Variants in ADGRB3 observed in about 807,000 individuals in gnomAD.
The protein encoded by ADGRB3 is brain-specific angiogenesis inhibitor 3.
In ADGRB3, 37 loss-of-function variants were observed where a neutral mutation model predicts 193.4. That is an observed-to-expected ratio of 0.19 (90% CI 0.15 to 0.25). ADGRB3 has a LOEUF of 0.25. ADGRB3 is among the 10% of genes least tolerant of loss of function. ADGRB3 has a pLI of 1.00. For missense variants in ADGRB3, 1,637 were observed against 1,852.9 expected (o/e 0.88, Z 2.14); for synonymous variants, 690 against 644.2 (o/e 1.07, Z -1.08).
At chr6:69,272,505 A>G (rs1767201076) in intron 20 of ADGRB3, among the ~76,000 whole-genome samples, 2 of 152,254 alleles carry the variant, frequency 1.3e-5, no homozygotes, top group South Asian at 4.1e-4. Flanking sequence ...TGGGTAGACA[A>G]TAATTAGCAT....
chr6:69,309,934 A>T (rs1223795637), intron 20 of ADGRB3, among the ~76,000 whole-genome samples: 2 of 151,556 alleles, frequency 1.3e-5, no homozygotes, highest in Non-Finnish European at 3.0e-5. Context: ...TCCAGAGAAG[A>T]CCCAAAAACA....
intron 3 of ADGRB3, among the ~76,000 whole-genome samples, chr6:68,651,396 A>C (rs1189071936): frequency 6.6e-6 from 1 of 152,186 alleles, no homozygotes; most frequent in Non-Finnish European, 1.5e-5. Flanking sequence ...TCTTTTAAAA[A>C]CATATGAGTT....
At chr6:68,640,502 T>C (rs1484632190) in intron 3 of ADGRB3, among the ~76,000 whole-genome samples, 2 of 152,242 alleles carry the variant, frequency 1.3e-5, no homozygotes, top group East Asian at 3.9e-4. Flanking sequence ...TACATATTAG[T>C]TCTTGCTTCC....
chr6:69,083,332 T>C (rs533206027), intron 17 of ADGRB3, among the ~76,000 whole-genome samples: 1 of 152,334 alleles, frequency 6.6e-6, no homozygotes, highest in African/African-American at 2.4e-5. Flanking sequence ...ACATTCATTT[T>C]TGTAAATTAT....
At position 69,063,086 on chromosome 6, in the gene ADGRB3, A is replaced by T; in HGVS notation, c.2436+50A>T. 2.2e-6 allele frequency: 3 copies of T among 1,379,412 alleles called. No individual in the cohort carries two copies. In the South Asian group the frequency reaches 3.6e-5, roughly 16 times the overall value. The allele number at this position is 1,379,412 out of a possible 1,614,324, so 85.4% of individuals were successfully genotyped here. On this transcript the variant is annotated intron_variant, in intron 16 of 31. Transcript: ENST00000370598. ...ACTTGCTTATGGAATTACCTTTCTA[A>T]CAGTCATTCTTTCAACTGATAACAC... is the stretch of plus-strand genomic sequence containing the variant.
chr6:69,067,775 A>T (rs2150309809), intron 16 of ADGRB3, among the ~76,000 whole-genome samples: 1 of 152,304 alleles, frequency 6.6e-6, no homozygotes, highest in East Asian at 1.9e-4. Context: ...ACTGAAATTG[A>T]GATAGAAATT....
At chr6:68,958,756 A>C (rs1403674627) in intron 8 of ADGRB3, among the ~76,000 whole-genome samples, 1 of 152,130 alleles carries the variant, frequency 6.6e-6, no homozygotes. Context: ...ATATGAGATG[A>C]AAATAACCAT....
rs1335268203 is a variant in ADGRB3 at position 68,638,762 on chromosome 6, G to T, written c.87G>T (p.Trp29Cys). The change falls in exon 3 of 32, where the codon TGG becomes TGT. Residue 29 changes from tryptophan (W) to cysteine (C), a missense_variant. By Grantham distance (215) the Trp-to-Cys change is radical. This residue lies in a region of ADGRB3 where 365 missense variants were observed against 409.8 expected (regional missense o/e 0.89). Coordinates refer to ENST00000370598, the MANE Select transcript of ADGRB3 (RefSeq NM_001704.3). ...MFGFNAAQDF[W>C]CSTLVKGVIY... ...GATTTAATGCTGCCCAAGACTTCTG[G>T]TGTTCAACTTTGGTGAAGGGAGTCA... The T allele has an allele frequency of 6.2e-7, 1 of 1,614,108 alleles. No homozygotes were observed. Among genetic ancestry groups the T allele is most frequent in the Admixed American group, 1.7e-5 (1 of 60,020 alleles).
At chr6:68,913,480 G>A (rs1766782982) in intron 3 of ADGRB3, among the ~76,000 whole-genome samples, 1 of 152,286 alleles carries the variant, frequency 6.6e-6, no homozygotes, top group African/African-American at 2.4e-5. Flanking sequence ...GCAGCTGAGG[G>A]TCCTGTCTGT....
intron 17 of ADGRB3, among the ~76,000 whole-genome samples, chr6:69,140,287 G>A (rs1335366891): frequency 6.6e-6 from 1 of 152,042 alleles, no homozygotes; most frequent in Non-Finnish European, 1.5e-5. Flanking sequence ...GAAGAGCACA[G>A]GAAAGAACAA....
intron 30 of ADGRB3, among the ~76,000 whole-genome samples, chr6:69,382,356 G>T (rs1769967450): frequency 6.6e-6 from 1 of 151,972 alleles, no homozygotes; most frequent in East Asian, 1.9e-4. Context: ...AGCCTTAATG[G>T]CAGGGCTTGG....
chr6:69,215,426 A>C lies in ADGRB3; in HGVS notation c.2481-17864A>C, dbSNP rs561476291. 2.0e-5 allele frequency among the ~76,000 whole-genome samples: 3 copies of C among 151,704 alleles called. No individual in the cohort carries two copies. In the South Asian group the frequency reaches 6.3e-4, roughly 32 times the overall value. On this transcript the variant is annotated intron_variant, in intron 17 of 31. Coordinates refer to ENST00000370598, the MANE Select transcript of ADGRB3 (RefSeq NM_001704.3). The stretch of plus-strand genomic sequence containing the variant: ...TTCTTAGTTGTAGCTTTAAAAAAGA[A>C]AGAAAAGATGACAAAATGAACAGAA...
chr6:69,018,512 A>G lies in ADGRB3; in HGVS notation c.2107+13A>G, dbSNP rs1554244885. On this transcript the variant is annotated intron_variant, in intron 13 of 31. Coordinates refer to ENST00000370598, the MANE Select transcript of ADGRB3 (RefSeq NM_001704.3). ...ACTGGAAATGTAGGTAAGAAATAGG[A>G]TTTTCCCCCAAAATCTTTCTGAAAT... 3.2e-6 allele frequency: 5 copies of G among 1,553,282 alleles called. No individual in the cohort carries two copies. The highest frequency in any genetic ancestry group is 1.1e-5 in the South Asian group (1 of 88,628).
At chr6:68,794,404 G>T (rs1383432582) in intron 3 of ADGRB3, among the ~76,000 whole-genome samples, 1 of 151,902 alleles carries the variant, frequency 6.6e-6, no homozygotes, top group Non-Finnish European at 1.5e-5. Flanking sequence ...AATTATTAAA[G>T]CTATGGAATC....
chr6:69,259,763 C>T (rs141366968), intron 20 of ADGRB3, among the ~76,000 whole-genome samples: 17 of 150,308 alleles, frequency 1.1e-4, no homozygotes, highest in African/African-American at 3.2e-4. Flanking sequence ...ATTCTCTATT[C>T]GCAATAAGAT....
chr6:69,121,201 G>A (rs1028987536), intron 17 of ADGRB3, among the ~76,000 whole-genome samples: 4 of 151,934 alleles, frequency 2.6e-5, no homozygotes, highest in Non-Finnish European at 5.9e-5. Context: ...AGGGAGTGGT[G>A]ATGACTCTTA....
intron 3 of ADGRB3, among the ~76,000 whole-genome samples, chr6:68,749,887 C>T (rs1185917840): frequency 6.6e-6 from 1 of 152,080 alleles, no homozygotes; most frequent in African/African-American, 2.4e-5. Context: ...GAATTGTAAT[C>T]TGAATCTATA....
chr6:69,173,734 T>A (rs1371318848), intron 17 of ADGRB3, among the ~76,000 whole-genome samples: 1 of 152,056 alleles, frequency 6.6e-6, no homozygotes, highest in East Asian at 1.9e-4. Flanking sequence ...AATGGAAGAA[T>A]GATGGATAAA....
chr6:68,944,020 G>T, intron 6 of ADGRB3, 26 bp downstream of exon 6: 1 of 1,576,760 alleles, frequency 6.3e-7, no homozygotes, highest in Admixed American at 1.7e-5. Flanking sequence ...ATTTGGTTAT[G>T]TTTGCATTAT....
Sources: allele counts gnomAD v4.1 joint callset (sites outside exome capture counted in the v4.1 genomes callset), GRCh38; gene constraint gnomAD v4.1.1; regional missense constraint gnomAD v4.1.1; transcripts MANE v1.5; gene names NCBI Gene and HGNC (gene_info 2026-07-23, HGNC 2026-07-21).